Variants in DOCK2 observed in about 807,000 individuals in gnomAD.
DOCK2 encodes the protein dedicator of cytokinesis protein 2.
In DOCK2, 87 loss-of-function variants were observed where a neutral mutation model predicts 248.9. The ratio of observed to expected loss-of-function variants is 0.35; its 90% CI spans 0.29 to 0.42. The LOEUF (loss-of-function observed/expected upper bound fraction) is 0.42, where lower values mean the gene tolerates loss of function less well. Among genes scored for constraint, DOCK2 ranks in the 10% least tolerant of loss-of-function variants. DOCK2 has a pLI of 1.00. For synonymous variants in DOCK2, 805 were observed against 821.6 expected, an observed-to-expected ratio of 0.98 and a Z score of 0.35; for missense variants, 1,747 against 2,300.2, an observed-to-expected ratio of 0.76 and a Z score of 4.92.
chr5:169,777,319 AGG>A (rs1218202027), intron 25 of DOCK2, among the ~76,000 whole-genome samples: 2 of 152,190 alleles, frequency 1.3e-5, no homozygotes, highest in Non-Finnish European at 2.9e-5. Flanking sequence ...CCTTGATGGC[AGG>A]GGGTGTGTCT....
At chr5:170,067,232 A>G (rs936633652) in intron 44 of DOCK2, among the ~76,000 whole-genome samples, 1 of 150,914 alleles carries the variant, frequency 6.6e-6, no homozygotes, top group African/African-American at 2.5e-5. Flanking sequence ...GATAATAAGA[A>G]GAGAAAACCT....
At chr5:170,047,714 G>A (rs1455653590) in intron 40 of DOCK2, 100 bp downstream of exon 40, 5 of 1,097,326 alleles carry the variant, frequency 4.6e-6, no homozygotes, top group Non-Finnish European at 6.6e-6. Context: ...CTCAGAAGCG[G>A]TGCTCTTCTC....
At chr5:170,016,576 C>G (rs913556478) in intron 32 of DOCK2, among the ~76,000 whole-genome samples, 1 of 152,236 alleles carries the variant, frequency 6.6e-6, no homozygotes, top group African/African-American at 2.4e-5. Context: ...TGCCAAATAT[C>G]TCCTCAACTG....
chr5:169,985,229 T>C (rs1778036005), intron 28 of DOCK2, among the ~76,000 whole-genome samples: 1 of 152,100 alleles, frequency 6.6e-6, no homozygotes, highest in African/African-American at 2.4e-5. Flanking sequence ...ATTTGTGTTT[T>C]CCAAAGATGG....
intron 14 of DOCK2, among the ~76,000 whole-genome samples, chr5:169,704,759 ATGTGTGTG>A (rs56289708): frequency 0.013 from 1,800 of 139,998 alleles, 33 homozygotes; most frequent in African/African-American, 0.039. Context: ...CTCCATATAT[ATGTGTGTG>A]TGTGTGTGTG....
At chr5:169,843,476 C>T (rs1382335298) in intron 27 of DOCK2, among the ~76,000 whole-genome samples, 2 of 152,142 alleles carry the variant, frequency 1.3e-5, no homozygotes, top group Admixed American at 6.5e-5. Context: ...GAACCAAGAT[C>T]GCGCCACTGC....
chr5:169,748,240 C>T lies in DOCK2; in HGVS notation c.2376+736C>T, dbSNP rs140469448. Among the ~76,000 whole-genome samples the T allele has an allele frequency of 3.4e-3, 512 of 151,938 alleles. 5 individuals carry two copies. Among genetic ancestry groups the T allele is most frequent in the African/African-American group, 0.012 (497 of 41,366 alleles). ...ATCCATTATGCCTGAGATGCCCAGG[C>T]ACTGGTTAGAATTAATGACGTACTA... is the stretch of plus-strand genomic sequence containing the variant. On this transcript the variant is annotated intron_variant, in intron 23 of 51. Coordinates refer to ENST00000520908, the MANE Select transcript of DOCK2 (RefSeq NM_004946.3).
intron 25 of DOCK2, among the ~76,000 whole-genome samples, chr5:169,766,582 A>G (rs1282088823): frequency 6.6e-6 from 1 of 152,136 alleles, no homozygotes; most frequent in Non-Finnish European, 1.5e-5. Context: ...AGAACGATTT[A>G]TCCTCCTTTG....
Position 169,974,119 on chromosome 5 carries a change from TAAATG to T in DOCK2, c.2800-8945_2800-8941del, listed in dbSNP as rs768101492. ...ATGATAGCCTCCTTTTTTTCTAAAT[TAAATG>T]AAAGCATTCTGAAGTCAAGCTGATC... is the stretch of plus-strand genomic sequence containing the variant. On this transcript the variant is annotated intron_variant, in intron 27 of 51. Coordinates refer to ENST00000520908, the MANE Select transcript of DOCK2 (RefSeq NM_004946.3). Among the ~76,000 whole-genome samples the T allele has an allele frequency of 4.6e-5, 7 of 152,196 alleles. No homozygotes were observed. The East Asian group carries it at 7.7e-4, about 17-fold the overall frequency.
intron 25 of DOCK2, among the ~76,000 whole-genome samples, chr5:169,796,893 G>A (rs992401468): frequency 2.0e-5 from 3 of 152,200 alleles, no homozygotes; most frequent in East Asian, 3.9e-4. Context: ...GAGCGCCCAC[G>A]ATGAGTTAAG....
chr5:169,716,571 G>A lies in DOCK2; in HGVS notation c.2031+269G>A, dbSNP rs933701643. On this transcript the variant is annotated intron_variant, in intron 20 of 51. Coordinates refer to ENST00000520908, the MANE Select transcript of DOCK2 (RefSeq NM_004946.3). ...ACACTGGCTGAAGGTACATGAGGCT[G>A]GATATTGTGAATGATTGCTTCTGCT... is the stretch of plus-strand genomic sequence containing the variant. Among the ~76,000 whole-genome samples the A allele has an allele frequency of 3.9e-5, 6 of 152,336 alleles. No individual in the cohort carries two copies. The East Asian group carries it at 1.2e-3, about 29-fold the overall frequency.
intron 1 of DOCK2, among the ~76,000 whole-genome samples, chr5:169,651,920 C>T (rs1757830114): frequency 6.6e-6 from 1 of 152,188 alleles, no homozygotes; most frequent in Non-Finnish European, 1.5e-5. Context: ...AAAGGCTACA[C>T]AAAGCTCTGG....
At chr5:169,896,774 T>C (rs1245838409) in intron 27 of DOCK2, among the ~76,000 whole-genome samples, 4 of 152,210 alleles carry the variant, frequency 2.6e-5, no homozygotes, top group African/African-American at 4.8e-5. Flanking sequence ...CCCTACCCGC[T>C]GCTCACAGTG....
intron 36 of DOCK2, among the ~76,000 whole-genome samples, chr5:170,038,324 A>G (rs1247530973): frequency 6.6e-6 from 1 of 152,172 alleles, no homozygotes; most frequent in Admixed American, 6.5e-5. Flanking sequence ...AGACCTCCAC[A>G]AGCTTTGGAG....
At chr5:169,719,664 A>T (rs879790351) in intron 22 of DOCK2, among the ~76,000 whole-genome samples, 1 of 152,178 alleles carries the variant, frequency 6.6e-6, no homozygotes, top group African/African-American at 2.4e-5. Context: ...ATTGTCTTAT[A>T]AGGCAAGTTT....
chr5:169,678,137 A>G (rs1321699898), intron 6 of DOCK2, among the ~76,000 whole-genome samples: 1 of 152,094 alleles, frequency 6.6e-6, no homozygotes, highest in Admixed American at 6.6e-5. Flanking sequence ...ATGTGCATGG[A>G]GTAAGAGAGT....
At chr5:169,642,318 G>A (rs1351216156) in intron 1 of DOCK2, among the ~76,000 whole-genome samples, 1 of 152,212 alleles carries the variant, frequency 6.6e-6, no homozygotes, top group African/African-American at 2.4e-5. Flanking sequence ...GGCCAATATG[G>A]CCCCTATCCT....
Position 170,050,262 on chromosome 5 carries a change from G to C in DOCK2, c.4078G>C (p.Val1360Leu), listed in dbSNP as rs137922056. Reference sequence around the variant, plus strand: ...GAGCATCCTTTCTCTGCAGAACAAAGTGTTCATCTACCGCGGGAAGGAATA... The same window carrying C: ...GAGCATCCTTTCTCTGCAGAACAAACTGTTCATCTACCGCGGGAAGGAATA... ...QGFPSFLRNK[V>L]FIYRGKEYER... Residue 1360 changes from valine to leucine, a missense_variant, in exon 41 of 52, where the codon GTG becomes CTG. Val to Leu is a conservative substitution (Grantham distance 32). Around this residue, in one of 4 missense-constraint regions of DOCK2, gnomAD observed 858 missense variants for 1,183.5 expected, o/e 0.72. Coordinates refer to ENST00000520908, the MANE Select transcript of DOCK2 (RefSeq NM_004946.3). 2 of 1,614,016 alleles carry C rather than the reference G, an allele frequency of 1.2e-6. No individual in the cohort carries two copies. Among genetic ancestry groups the C allele is most frequent in the Admixed American group, 1.7e-5 (1 of 60,016 alleles).
chr5:169,781,564 A>T (rs1765715979), intron 25 of DOCK2, among the ~76,000 whole-genome samples: 1 of 152,230 alleles, frequency 6.6e-6, no homozygotes, highest in Admixed American at 6.5e-5. Flanking sequence ...CCTGAAAGGC[A>T]TTCTGTTATC....
Sources: gnomAD v4.1 joint callset for allele counts (sites outside exome capture counted in the v4.1 genomes callset) on GRCh38, gnomAD v4.1.1 for gene constraint, gnomAD v4.1.1 regional missense constraint, MANE v1.5 for transcripts, NCBI Gene and HGNC (gene_info 2026-07-23, HGNC 2026-07-21) for gene names.